The following CSMD1 variants were observed in gnomAD, a reference collection of about 807,000 sequenced individuals.
CSMD1 encodes CUB and sushi domain-containing protein 1.
Under a neutral mutation model 417.5 loss-of-function variants are expected in CSMD1, and 213 were observed. That is an observed-to-expected ratio of 0.51 (90% CI 0.46 to 0.57). The LOEUF is 0.57. Ranked by LOEUF, CSMD1 falls within the 20% of genes least tolerant of loss-of-function variation. CSMD1 has a pLI of 0.00. For missense variants in CSMD1, 6,923 were observed against 4,529.7 expected (o/e 1.53, Z -15.17); for synonymous variants, 2,862 against 1,736.8 (o/e 1.65, Z -16.11).
chr8:3,913,308 T>C (rs900868309), intron 5 of CSMD1, among the ~76,000 whole-genome samples: 2 of 152,060 alleles, frequency 1.3e-5, no homozygotes, highest in East Asian at 1.9e-4. Context: ...GTGAGGACCA[T>C]CGACCTGCTC....
chr8:4,953,905 G>C (rs1039172634), intron 1 of CSMD1, among the ~76,000 whole-genome samples: 1 of 152,084 alleles, frequency 6.6e-6, no homozygotes, highest in Non-Finnish European at 1.5e-5. Flanking sequence ...CCCAGGAGTA[G>C]GGATCAAGGG....
intron 3 of CSMD1, among the ~76,000 whole-genome samples, chr8:4,033,995 G>T (rs905590502): frequency 1.3e-5 from 2 of 152,288 alleles, no homozygotes; most frequent in Middle Eastern, 6.8e-3. Context: ...TACTAGTAGA[G>T]AAATACAAAC....
At chr8:4,460,327 A>G (rs1189739969) in intron 2 of CSMD1, among the ~76,000 whole-genome samples, 1 of 152,114 alleles carries the variant, frequency 6.6e-6, no homozygotes, top group Non-Finnish European at 1.5e-5. Context: ...ATGAAATGCA[A>G]CTGAAGAATT....
chr8:4,800,842 A>G (rs1302784929), intron 1 of CSMD1, among the ~76,000 whole-genome samples: 2 of 152,234 alleles, frequency 1.3e-5, no homozygotes, highest in Non-Finnish European at 2.9e-5. Context: ...CACAAAGTCC[A>G]AGCCCTGAAA....
chr8:3,907,766 G>C (rs1008789890), intron 5 of CSMD1, among the ~76,000 whole-genome samples: 2 of 152,166 alleles, frequency 1.3e-5, no homozygotes, highest in African/African-American at 4.8e-5. Context: ...GTCAGTAACA[G>C]ACTGACTCTT....
chr8:3,944,999 C>A (rs1023633001), intron 5 of CSMD1, among the ~76,000 whole-genome samples: 8 of 152,112 alleles, frequency 5.3e-5, no homozygotes, highest in Non-Finnish European at 1.0e-4. Context: ...GCGGTTCACC[C>A]GCAAGTCAAA....
chr8:4,021,402 T>C lies in CSMD1; in HGVS notation c.610+10503A>G, dbSNP rs765802221. Among the ~76,000 whole-genome samples the C allele has an allele frequency of 5.9e-4, 90 of 152,334 alleles. 1 individual carries two copies. The highest frequency in any genetic ancestry group is 9.8e-4 in the Admixed American group (15 of 15,298). ...TTAACTTCATCTGTGGCTCACATTA[T>C]GGATTGTGTTATATGTTGAGTGGAC... On this transcript the variant is annotated intron_variant, in intron 4 of 69. Transcript: ENST00000635120.
chr8:3,765,540 G>A (rs541463714), intron 5 of CSMD1, among the ~76,000 whole-genome samples: 2 of 152,202 alleles, frequency 1.3e-5, no homozygotes, highest in Non-Finnish European at 1.5e-5. Flanking sequence ...CTTCTTTGTA[G>A]TATTCTGTAT....
At chr8:4,507,172 A>G (rs1802573036) in intron 2 of CSMD1, among the ~76,000 whole-genome samples, 1 of 152,214 alleles carries the variant, frequency 6.6e-6, no homozygotes, top group South Asian at 2.1e-4. Flanking sequence ...GTTTACTGAA[A>G]AAAAGTATTG....
Position 4,396,982 on chromosome 8 carries a change from C to T in CSMD1, c.415+22971G>A, listed in dbSNP as rs1465865317. 2.6e-5 allele frequency among the ~76,000 whole-genome samples: 4 copies of T among 151,776 alleles called. No homozygotes were observed. In the East Asian group the frequency reaches 5.8e-4, roughly 22 times the overall value. ...AAAGTCTCAGAAATCACTAAAGGAC[C>T]TATTCATGTAACCAAACACCATCTG... On this transcript the variant is annotated intron_variant, in intron 3 of 69. Transcript: ENST00000635120.
At chr8:4,629,637 T>A in intron 2 of CSMD1, among the ~76,000 whole-genome samples, 1 of 152,218 alleles carries the variant, frequency 6.6e-6, no homozygotes, top group Non-Finnish European at 1.5e-5. Flanking sequence ...CTAAATTACG[T>A]GTCCTGCCTA....
intron 5 of CSMD1, among the ~76,000 whole-genome samples, chr8:3,981,359 G>A (rs575871475): frequency 6.6e-6 from 1 of 151,960 alleles, no homozygotes; most frequent in South Asian, 2.1e-4. Flanking sequence ...AGTGGAAGGG[G>A]GGTGAAGGAT....
At chr8:3,428,445 A>G (rs1423848508) in intron 12 of CSMD1, among the ~76,000 whole-genome samples, 1 of 152,202 alleles carries the variant, frequency 6.6e-6, no homozygotes, top group Non-Finnish European at 1.5e-5. Flanking sequence ...AGAATATTAA[A>G]TCACCCCAAA....
chr8:3,746,735 T>C (rs1035703087), intron 6 of CSMD1, among the ~76,000 whole-genome samples: 1 of 152,222 alleles, frequency 6.6e-6, no homozygotes, highest in Non-Finnish European at 1.5e-5. Context: ...ATTTCTCCTA[T>C]CCTTACCAGA....
At chr8:4,189,281 C>T (rs956607502) in intron 3 of CSMD1, among the ~76,000 whole-genome samples, 6 of 152,166 alleles carry the variant, frequency 3.9e-5, no homozygotes, top group African/African-American at 1.4e-4. Context: ...CTTCCTATCT[C>T]TTTACTCAAG....
At chr8:3,664,541 C>T (rs909859260) in intron 7 of CSMD1, among the ~76,000 whole-genome samples, 14 of 152,240 alleles carry the variant, frequency 9.2e-5, no homozygotes, top group South Asian at 2.1e-4. Context: ...GGGTCAAGAG[C>T]GTGAGTGTTT....
At chr8:3,984,070 A>G (rs1446733473) in intron 5 of CSMD1, among the ~76,000 whole-genome samples, 1 of 147,084 alleles carries the variant, frequency 6.8e-6, no homozygotes, top group Non-Finnish European at 1.5e-5. Context: ...TTGCAGCTCT[A>G]GAGCACACCA....
At chr8:4,598,440 C>A (rs959996925) in intron 2 of CSMD1, among the ~76,000 whole-genome samples, 2 of 152,188 alleles carry the variant, frequency 1.3e-5, no homozygotes, top group South Asian at 2.1e-4. Flanking sequence ...ATCAGCCAGG[C>A]ATGAAATCTG....
chr8:3,649,421 C>T (rs1047888273), intron 7 of CSMD1, among the ~76,000 whole-genome samples: 13 of 152,240 alleles, frequency 8.5e-5, no homozygotes, highest in Admixed American at 7.2e-4. Context: ...TAAATAACTG[C>T]CTGAGACTGG....
Sources: allele counts gnomAD v4.1 joint callset (sites outside exome capture counted in the v4.1 genomes callset), GRCh38; gene constraint gnomAD v4.1.1; transcripts MANE v1.5; gene names NCBI Gene and HGNC (gene_info 2026-07-23, HGNC 2026-07-21).